Variants in SPANXN1 observed in about 807,000 individuals in gnomAD.
SPANXN1 encodes the protein sperm protein associated with the nucleus on the X chromosome N1.
In SPANXN1, 1 loss-of-function variant was observed where a neutral mutation model predicts 2.0. The ratio of observed to expected loss-of-function variants is 0.50; its 90% CI spans 0.18 to 2.36. The LOEUF is 2.36. Ranked by LOEUF, SPANXN1 falls within the 30% of genes most tolerant of loss-of-function variation. The pLI is 0.26. For missense variants in SPANXN1, 55 were observed against 51.8 expected, an observed-to-expected ratio of 1.06 and a Z score of -0.19; for synonymous variants, 27 against 21.3, an observed-to-expected ratio of 1.27 and a Z score of -0.74.
At chrX:145,249,421 G>A (rs185541694) in intron 1 of SPANXN1, among the ~76,000 whole-genome samples, 75 of 110,929 alleles carry the variant, frequency 6.8e-4, no homozygotes, top group African/African-American at 2.2e-3. Flanking sequence ...GTGAGAAATT[G>A]GCATAGACTA....
In SPANXN1 at chrX:145,256,034, G is replaced by T. The variant is rs1211988618; in HGVS notation, c.*220G>T. ...ATCTTCAAAGCAGGATGAAGACCTA[G>T]ACTTACCTGAAGGATCTTCACAGGA... On this transcript the variant is annotated 3_prime_UTR_variant, in exon 2 of 2. Transcript: ENST00000370493. 1.6e-6 allele frequency: 1 copy of T among 638,040 alleles called. No individual in the cohort carries two copies. The highest frequency in any genetic ancestry group is 2.2e-5 in the African/African-American group (1 of 45,326). 52.6% of individuals were successfully genotyped at this position (638,040 alleles called of 1,213,427 possible).
chrX:145,254,857 T>C (rs781837154), intron 1 of SPANXN1, among the ~76,000 whole-genome samples: 1 of 111,577 alleles, frequency 9.0e-6, no homozygotes, highest in East Asian at 2.8e-4. Context: ...ATCTGGAGGT[T>C]ATCCCAGGTC....
chrX:145,249,880 G>A (rs5966483), intron 1 of SPANXN1, among the ~76,000 whole-genome samples: 4 of 110,823 alleles, frequency 3.6e-5, no homozygotes, highest in Admixed American at 9.6e-5. Context: ...GAGGTGTAAC[G>A]CCGGCCAAGT....
intron 1 of SPANXN1, among the ~76,000 whole-genome samples, chrX:145,249,223 G>T (rs1307023809): frequency 9.1e-6 from 1 of 109,775 alleles, no homozygotes; most frequent in Non-Finnish European, 1.9e-5. Flanking sequence ...TTAACAGTTG[G>T]AAGTAAAAGG....
intron 1 of SPANXN1, among the ~76,000 whole-genome samples, chrX:145,251,167 A>C (rs1246017890): frequency 9.0e-6 from 1 of 111,706 alleles, no homozygotes; most frequent in Non-Finnish European, 1.9e-5. Flanking sequence ...CCCTGCAAAG[A>C]GGCATCTGAA....
intron 1 of SPANXN1, among the ~76,000 whole-genome samples, chrX:145,254,905 A>G (rs1329396807): frequency 1.8e-5 from 2 of 111,755 alleles, no homozygotes; most frequent in African/African-American, 6.5e-5. Context: ...GGAACTAGGA[A>G]CAGGGAGATC....
chrX:145,251,720 G>GTTTT (rs1382876372), intron 1 of SPANXN1, among the ~76,000 whole-genome samples: 2 of 111,490 alleles, frequency 1.8e-5, no homozygotes, highest in African/African-American at 3.3e-5. Context: ...GTTTTGTTTT[G>GTTTT]TTTTAGTGGG....
At chrX:145,249,197 G>C (rs1252115856) in intron 1 of SPANXN1, among the ~76,000 whole-genome samples, 2 of 110,253 alleles carry the variant, frequency 1.8e-5, no homozygotes, top group Admixed American at 1.9e-4. Context: ...TGCTGGATTT[G>C]TGTGGACAAA....
At position 145,249,505 on chromosome X, in the gene SPANXN1, C is replaced by T. The variant is rs1354293576; in HGVS notation, c.75+1844C>T. 2.1e-4 allele frequency among the ~76,000 whole-genome samples: 23 copies of T among 111,187 alleles called. 1 individual carries two copies. Among genetic ancestry groups the T allele is most frequent in the African/African-American group, 7.2e-4 (22 of 30,460 alleles). On this transcript the variant is annotated intron_variant, in intron 1 of 1. Transcript: ENST00000370493. The stretch of plus-strand genomic sequence containing the variant: ...GAGATAAAAGATTGGAAATTGGCGA[C>T]GGAGAGTGTTATGGGCTAGGGTGTT...
chrX:145,248,618 G>A (rs1256826914), intron 1 of SPANXN1, among the ~76,000 whole-genome samples: 6 of 111,973 alleles, frequency 5.4e-5, no homozygotes, highest in Admixed American at 2.8e-4. Context: ...GTTAACGAAA[G>A]TTGTAGGTTA....
chrX:145,248,282 G>T (rs782161214), intron 1 of SPANXN1, among the ~76,000 whole-genome samples: 70 of 111,716 alleles, frequency 6.3e-4, no homozygotes, highest in African/African-American at 2.2e-3. Context: ...CAGAGGAGAA[G>T]GATGGTATCA....
chrX:145,253,686 T>A (rs1556882751), intron 1 of SPANXN1, among the ~76,000 whole-genome samples: 1 of 111,002 alleles, frequency 9.0e-6, no homozygotes, highest in Admixed American at 9.6e-5. Context: ...ACAGCTAGGG[T>A]CCCTATTGGG....
chrX:145,254,841 A>C (rs1318169267), intron 1 of SPANXN1, among the ~76,000 whole-genome samples: 1 of 111,683 alleles, frequency 9.0e-6, no homozygotes, highest in African/African-American at 3.3e-5. Flanking sequence ...CGAGAGTTTG[A>C]TCAATATCTG....
chrX:145,250,123 C>T (rs139561337), intron 1 of SPANXN1, among the ~76,000 whole-genome samples: 1,923 of 111,116 alleles, frequency 0.017, 14 homozygotes, highest in Middle Eastern at 0.046. Context: ...ATATGGAAAG[C>T]CCATTTAATG....
chrX:145,255,586 T>C lies in SPANXN1; in HGVS notation c.76-85T>C, dbSNP rs868966193. On this transcript the variant is annotated intron_variant, in intron 1 of 1. Coordinates refer to ENST00000370493, the MANE Select transcript of SPANXN1 (RefSeq NM_001009614.3). ...CACCCCTTCCTCCACCTGCATTCCT[T>C]CTCATAAAGCCCCCCTTGCTATCCA... 9.4e-6 allele frequency: 11 copies of C among 1,174,132 alleles called. No homozygotes were observed. The Middle Eastern group carries it at 1.7e-3, about 182-fold the overall frequency.
Position 145,255,673 on chromosome X carries a change from G to T in SPANXN1, c.78G>T (p.Met26Ile), listed in dbSNP as rs782646656. 16 of 1,210,169 alleles carry T rather than the reference G, an allele frequency of 1.3e-5. No individual in the cohort carries two copies. In the African/African-American group the frequency reaches 2.6e-4, roughly 20 times the overall value. The change falls in exon 2 of 2, where the codon ATG (methionine) becomes ATT (isoleucine). Residue 26 changes from methionine to isoleucine, a missense_variant and splice_region_variant. Physicochemically the swap from Met to Ile is conservative, Grantham distance 10 (BLOSUM62 1). Coordinates refer to ENST00000370493, the MANE Select transcript of SPANXN1 (RefSeq NM_001009614.3). ...PCESNNENDE[M>I]QETPNRDLAP... Reference sequence around the variant, plus strand: ...GCCTCTCCCTGTTTTCTTAACAGATGCAGGAGACACCAAACAGGGACTTAG... The same window carrying T: ...GCCTCTCCCTGTTTTCTTAACAGATTCAGGAGACACCAAACAGGGACTTAG...
chrX:145,255,914 CTAG>C lies in SPANXN1; in HGVS notation c.*101_*103del. Reference sequence around the variant, plus strand: ...TGAAGACCTAGACTTACCTGAAGGCCTAGACTCAGCTGAAGGATCTTCAAAGCA... The same window carrying C: ...TGAAGACCTAGACTTACCTGAAGGCCACTCAGCTGAAGGATCTTCAAAGCA... On this transcript the variant is annotated 3_prime_UTR_variant, in exon 2 of 2. Coordinates refer to ENST00000370493, the MANE Select transcript of SPANXN1 (RefSeq NM_001009614.3). The C allele has an allele frequency of 5.1e-6, 6 of 1,183,484 alleles. No individual in the cohort carries two copies. The South Asian group carries it at 1.1e-4, about 21-fold the overall frequency.
intron 1 of SPANXN1, among the ~76,000 whole-genome samples, chrX:145,248,719 A>C (rs1229467716): frequency 8.9e-6 from 1 of 112,229 alleles, no homozygotes; most frequent in African/African-American, 3.2e-5. Flanking sequence ...AGCTGCCAGC[A>C]AGGGTAGCCC....
At chrX:145,255,620 C>T in intron 1 of SPANXN1, 51 bp from the exon 2 acceptor site, 1 of 1,208,389 alleles carries the variant, frequency 8.3e-7, no homozygotes, top group Non-Finnish European at 1.1e-6. Context: ...CAGTCTCTAT[C>T]CTATTCACCC....
Sources: allele counts gnomAD v4.1 joint callset (sites outside exome capture counted in the v4.1 genomes callset), GRCh38; gene constraint gnomAD v4.1.1; transcripts MANE v1.5; gene names NCBI Gene and HGNC (gene_info 2026-07-23, HGNC 2026-07-21).